MYO3B: variants seen among roughly 807,000 people sequenced by gnomAD.
MYO3B encodes the protein myosin IIIB.
Under a neutral mutation model 174.6 loss-of-function variants are expected in MYO3B, and 156 were observed. The observed-to-expected ratio is 0.89, with a 90% CI of 0.78 to 1.02. The LOEUF is 1.02. MYO3B is among the 50% of genes least tolerant of loss of function. MYO3B has a pLI of 0.00. For synonymous variants in MYO3B, 563 were observed against 569.1 expected, an observed-to-expected ratio of 0.99 and a Z score of 0.15; for missense variants, 1,632 against 1,639.4, an observed-to-expected ratio of 1.00 and a Z score of 0.08.
intron 7 of MYO3B, among the ~76,000 whole-genome samples, chr2:170,249,252 T>C (rs2093225610): frequency 6.6e-6 from 1 of 152,220 alleles, no homozygotes; most frequent in African/African-American, 2.4e-5. Flanking sequence ...CTCTCCTCTC[T>C]CAACAGAGTA....
chr2:170,271,469 A>G (rs576687126), intron 7 of MYO3B, among the ~76,000 whole-genome samples: 37 of 152,304 alleles, frequency 2.4e-4, no homozygotes, highest in Admixed American at 2.4e-3. Context: ...CAACTCTCCA[A>G]CAGAAGTGTC....
At chr2:170,211,308 G>C (rs773425769) in intron 3 of MYO3B, among the ~76,000 whole-genome samples, 2 of 152,108 alleles carry the variant, frequency 1.3e-5, no homozygotes, top group Non-Finnish European at 2.9e-5. Flanking sequence ...AAGCATAAAG[G>C]CCTTTTAAAT....
intron 30 of MYO3B, chr2:170,524,748 G>A: frequency 3.3e-6 from 1 of 303,024 alleles, no homozygotes; most frequent in Admixed American, 4.7e-5. Context: ...GGCTCCCAAA[G>A]TGCTGGGATT....
intron 7 of MYO3B, among the ~76,000 whole-genome samples, chr2:170,275,673 G>A (rs375543276): frequency 1.1e-3 from 160 of 151,964 alleles, no homozygotes; most frequent in Admixed American, 2.8e-3. Context: ...TCTAAGATAC[G>A]TTTCTTTATT....
At chr2:170,639,695 G>A (rs1381618670) in intron 32 of MYO3B, among the ~76,000 whole-genome samples, 2 of 152,090 alleles carry the variant, frequency 1.3e-5, no homozygotes, top group African/African-American at 4.8e-5. Flanking sequence ...CAGAGTTTTT[G>A]CCCTACATTT....
At chr2:170,302,308 T>C (rs1004261665) in intron 7 of MYO3B, among the ~76,000 whole-genome samples, 1 of 152,212 alleles carries the variant, frequency 6.6e-6, no homozygotes, top group Non-Finnish European at 1.5e-5. Flanking sequence ...ACACAATATC[T>C]ACTTAATGTG....
At chr2:170,278,614 T>C (rs2093481057) in intron 7 of MYO3B, among the ~76,000 whole-genome samples, 3 of 152,164 alleles carry the variant, frequency 2.0e-5, no homozygotes, top group Non-Finnish European at 4.4e-5. Flanking sequence ...GTTGAGAACA[T>C]TCGAGTCCTC....
intron 16 of MYO3B, among the ~76,000 whole-genome samples, chr2:170,396,310 G>T (rs557649299): frequency 6.6e-6 from 1 of 152,282 alleles, no homozygotes; most frequent in East Asian, 1.9e-4. Context: ...GAGACAATAA[G>T]AAAAATTTGA....
chr2:170,269,493 A>G (rs1384447034), intron 7 of MYO3B, among the ~76,000 whole-genome samples: 1 of 152,166 alleles, frequency 6.6e-6, no homozygotes, highest in African/African-American at 2.4e-5. Context: ...ATGTGGGGAA[A>G]CAAGCACTAG....
intron 7 of MYO3B, among the ~76,000 whole-genome samples, chr2:170,271,391 A>G (rs1393199919): frequency 6.6e-6 from 1 of 152,202 alleles, no homozygotes; most frequent in Non-Finnish European, 1.5e-5. Flanking sequence ...ATATAAATAA[A>G]TCACACTGAG....
At chr2:170,611,066 C>A (rs1559157843) in intron 32 of MYO3B, among the ~76,000 whole-genome samples, 1 of 152,090 alleles carries the variant, frequency 6.6e-6, no homozygotes, top group Non-Finnish European at 1.5e-5. Context: ...GCTTTATTAA[C>A]CTCCATGTAG....
At chr2:170,559,936 G>T (rs1429275021) in intron 32 of MYO3B, among the ~76,000 whole-genome samples, 2 of 152,146 alleles carry the variant, frequency 1.3e-5, no homozygotes. Context: ...GTCTGTGTGT[G>T]TGTGATGCTC....
At chr2:170,399,059 A>G (rs1198018102) in intron 16 of MYO3B, among the ~76,000 whole-genome samples, 1 of 151,948 alleles carries the variant, frequency 6.6e-6, no homozygotes, top group Non-Finnish European at 1.5e-5. Flanking sequence ...CAGCCTCAAC[A>G]TGGAGAAACC....
chr2:170,611,739 A>G (rs866687335), intron 32 of MYO3B, among the ~76,000 whole-genome samples: 3 of 152,184 alleles, frequency 2.0e-5, no homozygotes, highest in Non-Finnish European at 2.9e-5. Flanking sequence ...TAGCACAATT[A>G]ATTTCTATAC....
intron 8 of MYO3B, chr2:170,345,258 T>C (rs2094007608): frequency 6.6e-6 from 1 of 152,196 alleles, no homozygotes; most frequent in African/African-American, 2.4e-5. Flanking sequence ...TTGGCACTAA[T>C]GAAGAAAGGG....
At chr2:170,538,937 A>G (rs1472849356) in intron 30 of MYO3B, among the ~76,000 whole-genome samples, 3 of 152,192 alleles carry the variant, frequency 2.0e-5, no homozygotes, top group African/African-American at 7.2e-5. Flanking sequence ...GGACAGTGTT[A>G]TTTGTTAAAA....
chr2:170,618,939 G>A (rs141874174), intron 32 of MYO3B, among the ~76,000 whole-genome samples: 1,625 of 152,258 alleles, frequency 0.011, 41 homozygotes, highest in African/African-American at 0.036. Context: ...TAAAACAGAA[G>A]CACAATCTTT....
intron 32 of MYO3B, among the ~76,000 whole-genome samples, chr2:170,544,431 C>T (rs530538312): frequency 1.4e-4 from 21 of 152,254 alleles, no homozygotes; most frequent in African/African-American, 4.8e-4. Flanking sequence ...CTTTCTGGCT[C>T]GTTTTCTAAA....
chr2:170,362,981 T>G (rs1377528734), intron 8 of MYO3B, among the ~76,000 whole-genome samples: 3 of 152,190 alleles, frequency 2.0e-5, no homozygotes, highest in Non-Finnish European at 4.4e-5. Flanking sequence ...TAACCTATAA[T>G]TAGTGTATCC....
Sources: allele counts gnomAD v4.1 joint callset (sites outside exome capture counted in the v4.1 genomes callset), GRCh38; gene constraint gnomAD v4.1.1; transcripts MANE v1.5; gene names NCBI Gene and HGNC (gene_info 2026-07-23, HGNC 2026-07-21).